Variants in TSPEAR observed in about 807,000 individuals in gnomAD.
TSPEAR encodes the protein thrombospondin type laminin G domain and EAR repeats.
TSPEAR carries 69 observed loss-of-function variants against 71.6 expected under a neutral mutation model. The observed-to-expected ratio is 0.96, with a 90% CI of 0.79 to 1.18. The LOEUF is 1.18. Ranked by LOEUF, TSPEAR falls within the 50% of genes most tolerant of loss-of-function variation. The pLI is 0.00. For synonymous variants in TSPEAR, 402 were observed against 387.2 expected, an observed-to-expected ratio of 1.04 and a Z score of -0.45; for missense variants, 971 against 894.9, an observed-to-expected ratio of 1.09 and a Z score of -1.09.
rs1220886897 is a variant in TSPEAR, at chr21:44,546,553, C to A, written c.304-12630G>T. Among the ~76,000 whole-genome samples the A allele has an allele frequency of 1.3e-5, 2 of 152,236 alleles. No individual in the cohort carries two copies. The highest frequency in any genetic ancestry group is 2.9e-5 in the Non-Finnish European group (2 of 68,038). On this transcript the variant is annotated intron_variant, in intron 2 of 11. Coordinates refer to ENST00000323084, the MANE Select transcript of TSPEAR (RefSeq NM_144991.3). This position sits in a 1 kb window ranked among gnomAD's most constrained non-coding sequence, Gnocchi z 4.4. Reference sequence around the variant, plus strand: ...CCATGTTAGCCAGGATGGTCTCAATCTCCTGACCTCGTGATCCACCTGCCT... The same window carrying A: ...CCATGTTAGCCAGGATGGTCTCAATATCCTGACCTCGTGATCCACCTGCCT...
At chr21:44,630,687 G>GGGAAGGCA (rs1209068874) in intron 1 of TSPEAR, among the ~76,000 whole-genome samples, 2 of 120,174 alleles carry the variant, frequency 1.7e-5, no homozygotes, top group African/African-American at 6.9e-5. Context: ...GGAAGTGAAG[G>GGGAAGGCA]GGAAGTGAAG....
chr21:44,652,422 C>A (rs925444513), intron 1 of TSPEAR, among the ~76,000 whole-genome samples: 93 of 152,186 alleles, frequency 6.1e-4, no homozygotes, highest in African/African-American at 2.2e-3. Flanking sequence ...CTTGAGCCCC[C>A]ACGGCTCCTC....
At position 44,642,115 on chromosome 21, in the gene TSPEAR, A is replaced by G. The variant is rs1757078809; in HGVS notation, c.82+69318T>C. ...CAGTATAAGAAAATAGTATGGGTAT[A>G]TTTATCCTAAAATTTGGAAATATAA... On this transcript the variant is annotated intron_variant, in intron 1 of 11. Transcript: ENST00000323084. This position sits in a 1 kb window ranked among gnomAD's most constrained non-coding sequence, Gnocchi z 4.1. Among the ~76,000 whole-genome samples, 1 of 152,228 alleles carries G rather than the reference A, an allele frequency of 6.6e-6. No homozygotes were observed. The highest frequency in any genetic ancestry group is 2.4e-5 in the African/African-American group (1 of 41,462).
intron 9 of TSPEAR, chr21:44,518,673 C>T (rs1435909078): frequency 4.3e-6 from 2 of 470,482 alleles, no homozygotes; most frequent in Non-Finnish European, 8.8e-6. Flanking sequence ...CCGCCCCCTG[C>T]CCCCCACCAG....
chr21:44,624,578 C>T (rs149282858), intron 1 of TSPEAR, among the ~76,000 whole-genome samples: 63 of 152,304 alleles, frequency 4.1e-4, no homozygotes, highest in Non-Finnish European at 7.8e-4. Flanking sequence ...GAGTTCAATA[C>T]GAGCTGATTT....
chr21:44,533,579 C>T (rs1878261818), intron 3 of TSPEAR, 106 bp downstream of exon 3: 1 of 981,590 alleles, frequency 1.0e-6, no homozygotes, highest in African/African-American at 1.6e-5. Context: ...CAGCTCCTGC[C>T]CCAGGACAGC....
At chr21:44,503,902 T>C (rs1374454259) in intron 11 of TSPEAR, among the ~76,000 whole-genome samples, 2 of 136,228 alleles carry the variant, frequency 1.5e-5, no homozygotes, top group Non-Finnish European at 3.1e-5. Context: ...AGCAATGTGC[T>C]GGGAGGAAGC....
chr21:44,561,512 T>G (rs782192724), intron 2 of TSPEAR, among the ~76,000 whole-genome samples: 19 of 152,092 alleles, frequency 1.2e-4, no homozygotes, highest in Admixed American at 2.6e-4. Flanking sequence ...TACCAAAACC[T>G]GGCAGACACA....
intron 1 of TSPEAR, among the ~76,000 whole-genome samples, chr21:44,607,138 A>G (rs1555929982): frequency 2.6e-5 from 4 of 152,192 alleles, no homozygotes; most frequent in Admixed American, 1.3e-4. Context: ...ACTGGAGTGC[A>G]GTGGCACAAT....
At chr21:44,514,521 A>C (rs1352304923) in intron 9 of TSPEAR, among the ~76,000 whole-genome samples, 1 of 152,198 alleles carries the variant, frequency 6.6e-6, no homozygotes, top group Admixed American at 6.5e-5. Context: ...CCACATGCCG[A>C]CAGCTGCAAT....
rs1555917739 is a variant in TSPEAR, at chr21:44,546,314, C to T, written c.304-12391G>A. 2.6e-5 allele frequency among the ~76,000 whole-genome samples: 4 copies of T among 152,146 alleles called. No individual in the cohort carries two copies. In the East Asian group the frequency reaches 7.7e-4, roughly 29 times the overall value. On this transcript the variant is annotated intron_variant, in intron 2 of 11. Transcript: ENST00000323084. This position sits in a 1 kb window ranked among gnomAD's most constrained non-coding sequence, Gnocchi z 4.4. ...GTAAGGCAAGTCTATTGGCAATGAG[C>T]TTTTTCAGGTTTTATTTACCTTGAA...
chr21:44,508,405 C>T (rs144148196), intron 10 of TSPEAR: 63 of 934,088 alleles, frequency 6.7e-5, no homozygotes, highest in African/African-American at 8.7e-5. Flanking sequence ...GCATGAAACC[C>T]GAGGAAACCT....
At chr21:44,573,495 A>G (rs1426576566) in intron 1 of TSPEAR, among the ~76,000 whole-genome samples, 1 of 152,200 alleles carries the variant, frequency 6.6e-6, no homozygotes, top group African/African-American at 2.4e-5. Context: ...TCCTGAGTCT[A>G]AAACACGCAC....
chr21:44,582,451 G>A (rs137922054), intron 1 of TSPEAR, among the ~76,000 whole-genome samples: 2 of 152,350 alleles, frequency 1.3e-5, no homozygotes, highest in Non-Finnish European at 2.9e-5. Context: ...ATGGCTTCTG[G>A]GACAAGCCCT....
intron 1 of TSPEAR, among the ~76,000 whole-genome samples, chr21:44,582,822 CTTTT>C (rs1979079350): frequency 2.5e-4 from 33 of 130,506 alleles, no homozygotes; most frequent in African/African-American, 8.8e-4. Context: ...CTCTTTCTTT[CTTTT>C]CTTCCTTCTT....
intron 2 of TSPEAR, among the ~76,000 whole-genome samples, chr21:44,561,051 T>A (rs1007349195): frequency 6.6e-6 from 1 of 152,160 alleles, no homozygotes; most frequent in African/African-American, 2.4e-5. Context: ...AGGAGCTGGT[T>A]TTTTGAAAAA....
intron 1 of TSPEAR, among the ~76,000 whole-genome samples, chr21:44,685,186 CAGG>C (rs1469329148): frequency 6.6e-6 from 1 of 152,222 alleles, no homozygotes; most frequent in Non-Finnish European, 1.5e-5. Flanking sequence ...CCAGCAGGCA[CAGG>C]AGGACCCACA....
chr21:44,550,730 G>A (rs782551128), intron 2 of TSPEAR: 1 of 1,614,174 alleles, frequency 6.2e-7, no homozygotes, highest in South Asian at 1.1e-5. Context: ...AGCTGCAGGA[G>A]GCTGGGCGGG....
At chr21:44,628,485 G>C (rs1983043678) in intron 1 of TSPEAR, among the ~76,000 whole-genome samples, 1 of 151,182 alleles carries the variant, frequency 6.6e-6, no homozygotes, top group Admixed American at 6.5e-5. Flanking sequence ...TCCCCAGCTG[G>C]GGGGCCTCGG....
Sources: gnomAD v4.1 joint callset for allele counts (sites outside exome capture counted in the v4.1 genomes callset) on GRCh38, gnomAD v4.1.1 for gene constraint, Gnocchi (gnomAD v3.1) non-coding constraint, MANE v1.5 for transcripts, NCBI Gene and HGNC (gene_info 2026-07-23, HGNC 2026-07-21) for gene names.